DHX8: variants seen among roughly 807,000 people sequenced by gnomAD.
The protein encoded by DHX8 is ATP-dependent RNA helicase DHX8.
Under a neutral mutation model 140.7 loss-of-function variants are expected in DHX8, and 67 were observed. That is an observed-to-expected ratio of 0.48 (90% confidence interval 0.39 to 0.58). DHX8 has a LOEUF of 0.58. Among genes scored for constraint, DHX8 ranks in the 20% least tolerant of loss-of-function variants. The probability of loss-of-function intolerance (pLI) is 0.00; values close to 1 mark genes in which losing one functional copy is unlikely to be tolerated. For missense variants in DHX8, 887 were observed against 1,550.7 expected (o/e 0.57, Z 7.19); for synonymous variants, 533 against 553.2 (o/e 0.96, Z 0.51).
chr17:43,497,064 C>T (rs1039393602), intron 9 of DHX8, among the ~76,000 whole-genome samples: 1 of 152,124 alleles, frequency 6.6e-6, no homozygotes, highest in African/African-American at 2.4e-5. Context: ...CTACATGCTC[C>T]CCTCTGCTTA....
intron 16 of DHX8, among the ~76,000 whole-genome samples, chr17:43,511,455 C>CGTTTTTTTTTTTTTTTTTTT (rs1279628229): frequency 1.5e-4 from 1 of 6,594 alleles, no homozygotes; most frequent in African/African-American, 5.6e-4. Context: ...GTGATCCCAG[C>CGTTTTTTTTTTTTTTTTTTT]ATTTTTTTTT....
At chr17:43,528,866 C>T (rs1598189941), downstream of DHX8, 4 of 771,564 alleles carry the variant, frequency 5.2e-6, no homozygotes, top group Non-Finnish European at 8.5e-6. Context: ...GCATTTCTCT[C>T]CCATGCTGGT....
At chr17:43,487,902 G>A (rs922082170) in intron 1 of DHX8, among the ~76,000 whole-genome samples, 34 of 152,018 alleles carry the variant, frequency 2.2e-4, no homozygotes, top group African/African-American at 7.7e-4. Flanking sequence ...GCTTGAACCC[G>A]AGAGGCGGAG....
rs1385836370 is a variant in DHX8 at position 43,501,041 on chromosome 17, A to G, written c.1546+938A>G. 2.6e-5 allele frequency among the ~76,000 whole-genome samples: 4 copies of G among 152,128 alleles called. No homozygotes were observed. In the East Asian group the frequency reaches 7.7e-4, roughly 29 times the overall value. On this transcript the variant is annotated intron_variant, in intron 11 of 22. Coordinates refer to ENST00000262415, the MANE Select transcript of DHX8 (RefSeq NM_004941.3). ...TTATTAATTTAATTTGTGTTTGGCA[A>G]CTGGGGATACGATTTGAATTAAACA...
downstream of DHX8, chr17:43,529,712 G>A (rs1250526157): frequency 3.1e-6 from 5 of 1,594,628 alleles, no homozygotes; most frequent in Non-Finnish European, 1.7e-6. Flanking sequence ...TGGGGTTTGT[G>A]TCTTTTGGTC....
chr17:43,502,386 G>GTATTT (rs895974489), intron 11 of DHX8, among the ~76,000 whole-genome samples: 7 of 152,046 alleles, frequency 4.6e-5, no homozygotes, highest in African/African-American at 1.4e-4. Flanking sequence ...GACCTTATCT[G>GTATTT]TATTTTATTT....
intron 4 of DHX8, among the ~76,000 whole-genome samples, chr17:43,491,598 T>C (rs1968521430): frequency 6.6e-6 from 1 of 152,196 alleles, no homozygotes; most frequent in African/African-American, 2.4e-5. Context: ...AATTTCATTT[T>C]AATAAATATT....
At chr17:43,498,427 A>G (rs1485604968) in intron 9 of DHX8, among the ~76,000 whole-genome samples, 1 of 150,168 alleles carries the variant, frequency 6.7e-6, no homozygotes, top group African/African-American at 2.5e-5. Context: ...GATTACAGGT[A>G]AGAGCCACTG....
intron 2 of DHX8, chr17:43,536,316 C>T: frequency 1.0e-6 from 1 of 957,080 alleles, no homozygotes; most frequent in Non-Finnish European, 1.6e-6. Flanking sequence ...AGATCAAACC[C>T]CACTGTGTTT....
downstream of DHX8, chr17:43,529,773 G>A (rs1970795828): frequency 8.1e-6 from 13 of 1,597,366 alleles, no homozygotes; most frequent in South Asian, 8.9e-5. Context: ...GGTCTCCCCA[G>A]GTACTTTTCT....
At chr17:43,498,824 T>G (rs1287244964) in intron 9 of DHX8, 38 bp from the exon 10 acceptor site, 2 of 1,509,150 alleles carry the variant, frequency 1.3e-6, no homozygotes, top group East Asian at 2.4e-5. Flanking sequence ...TTATTTTTTC[T>G]TGTTTATGGC....
At chr17:43,496,839 C>T (rs1192239616) in intron 9 of DHX8, among the ~76,000 whole-genome samples, 1 of 151,878 alleles carries the variant, frequency 6.6e-6, no homozygotes, top group East Asian at 1.9e-4. Flanking sequence ...TAAATTTGAT[C>T]TCATATTCTT....
intron 3 of DHX8, 37 bp from the exon 4 acceptor site, chr17:43,491,128 C>A (rs181886394): frequency 1.9e-6 from 2 of 1,034,912 alleles, no homozygotes; most frequent in Non-Finnish European, 2.8e-6. Context: ...ATATATATCT[C>A]TTTTTTTAAC....
chr17:43,503,594 G>A (rs1334421135), intron 11 of DHX8, among the ~76,000 whole-genome samples: 1 of 152,092 alleles, frequency 6.6e-6, no homozygotes, highest in Non-Finnish European at 1.5e-5. Flanking sequence ...GAGCCCAGGA[G>A]GTGGAGGTTG....
At chr17:43,527,571 A>G (rs567052597), downstream of DHX8, among the ~76,000 whole-genome samples, 58 of 152,348 alleles carry the variant, frequency 3.8e-4, no homozygotes, top group Middle Eastern at 6.8e-3. Context: ...AGCAGGCCCA[A>G]AGTGCACAAG....
At chr17:43,492,073 C>T in intron 4 of DHX8, 110 bp from the exon 5 acceptor site, 3 of 736,342 alleles carry the variant, frequency 4.1e-6, no homozygotes, top group South Asian at 1.6e-5. Context: ...AATCTCTGCC[C>T]CTCTTCTATT....
At chr17:43,485,265 A>G (rs1228137120) in intron 1 of DHX8, among the ~76,000 whole-genome samples, 8 of 152,140 alleles carry the variant, frequency 5.3e-5, no homozygotes, top group Admixed American at 5.2e-4. Flanking sequence ...AGATAAAGTC[A>G]TCAACCGGAG....
chr17:43,528,397 GAC>G (rs889528792), downstream of DHX8: 1 of 678,540 alleles, frequency 1.5e-6, no homozygotes, highest in Admixed American at 2.9e-5. Flanking sequence ...CAACTGGTAG[GAC>G]AGTGGGGATC....
At position 43,522,127 on chromosome 17, in the gene DHX8, C is replaced by A; in HGVS notation, c.3344C>A (p.Ala1115Asp). 6.2e-7 allele frequency: 1 copy of A among 1,614,134 alleles called. No homozygotes were observed. The highest frequency in any genetic ancestry group is 2.2e-5 in the East Asian group (1 of 44,884). The change falls in exon 22 of 23, where the codon GCT becomes GAT. Residue 1115 changes from alanine to aspartate, a missense_variant. Ala to Asp is a moderately radical substitution (Grantham distance 126, BLOSUM62 -2). Around this residue, in one of 9 missense-constraint regions of DHX8, gnomAD observed 101 missense variants for 168.2 expected, o/e 0.60. Coordinates refer to ENST00000262415, the MANE Select transcript of DHX8 (RefSeq NM_004941.3). ...KAICSGFFRN[A>D]AKKDPQEGYR... ...ATCTGCAGTGGGTTCTTCCGTAATG[C>A]TGCCAAGAAAGACCCGCAGGAGGGT... is the stretch of plus-strand genomic sequence containing the variant.
Sources: gnomAD v4.1 joint callset for allele counts (sites outside exome capture counted in the v4.1 genomes callset) on GRCh38, gnomAD v4.1.1 for gene constraint, gnomAD v4.1.1 regional missense constraint, MANE v1.5 for transcripts, NCBI Gene and HGNC (gene_info 2026-07-23, HGNC 2026-07-21) for gene names.